ABCB1: variants seen among roughly 807,000 people sequenced by gnomAD.
ABCB1 encodes ATP binding cassette subfamily B member 1.
In ABCB1, 69 loss-of-function variants were observed where a neutral mutation model predicts 142.0. The ratio of observed to expected loss-of-function variants is 0.49; its 90% confidence interval spans 0.40 to 0.59. ABCB1 has a LOEUF of 0.59. ABCB1 is among the 20% of genes least tolerant of loss of function. The pLI is 0.00. For missense variants in ABCB1, 1,326 were observed against 1,554.7 expected (o/e 0.85, Z 2.47); for synonymous variants, 532 against 539.2 (o/e 0.99, Z 0.18).
intron 21 of ABCB1, chr7:87,522,099 T>G (rs1326179377): frequency 7.9e-7 from 1 of 1,269,204 alleles, no homozygotes; most frequent in African/African-American, 1.4e-5. Context: ...TCGGTGGGAA[T>G]GACAACTTTG....
chr7:87,632,867 T>A (rs1161539612), intron 1 of ABCB1, among the ~76,000 whole-genome samples: 8 of 152,176 alleles, frequency 5.3e-5, no homozygotes. Flanking sequence ...AGAATAACAC[T>A]TGTCAAACTT....
At chr7:87,591,969 C>CA (rs1050538756) in intron 3 of ABCB1, among the ~76,000 whole-genome samples, 1 of 151,956 alleles carries the variant, frequency 6.6e-6, no homozygotes, top group African/African-American at 2.4e-5. Flanking sequence ...GAAGCAAATA[C>CA]AAAAAATATA....
chr7:87,645,571 G>A (rs1822919318), intron 1 of ABCB1, among the ~76,000 whole-genome samples: 1 of 151,952 alleles, frequency 6.6e-6, no homozygotes, highest in Admixed American at 6.6e-5. Context: ...GATATTTTTA[G>A]ACATTCATCA....
intron 2 of ABCB1, among the ~76,000 whole-genome samples, chr7:87,596,535 T>C (rs1819215803): frequency 6.6e-6 from 1 of 152,054 alleles, no homozygotes; most frequent in South Asian, 2.1e-4. Flanking sequence ...CTGTAGCCCA[T>C]TTTCTACTCT....
intron 1 of ABCB1, among the ~76,000 whole-genome samples, chr7:87,705,705 C>A (rs1829522437): frequency 1.3e-5 from 2 of 152,168 alleles, no homozygotes; most frequent in Non-Finnish European, 2.9e-5. Context: ...GACTTTATCT[C>A]AGCAGGCACT....
At position 87,638,391 on chromosome 7, in the gene ABCB1, G is replaced by C. The variant is rs1292308679; in HGVS notation, c.-330-37313C>G. On this transcript the variant is annotated intron_variant, in intron 1 of 28. Transcript: ENST00000265724. ...TGTGTGTGTGTGTGTTTCCTCCCCT[G>C]TTCTGTAGAAAAGTTTGTGTAAGAC... 6.7e-5 allele frequency among the ~76,000 whole-genome samples: 10 copies of C among 148,380 alleles called. No individual in the cohort carries two copies. The East Asian group carries it at 1.4e-3, about 20-fold the overall frequency.
intron 25 of ABCB1, among the ~76,000 whole-genome samples, chr7:87,511,778 G>A (rs1414009089): frequency 6.6e-6 from 1 of 152,204 alleles, no homozygotes; most frequent in Non-Finnish European, 1.5e-5. Context: ...CCCTTGAAAG[G>A]GGAATGCCCC....
In ABCB1 at chr7:87,680,752, G is replaced by A. The variant is rs557509421; in HGVS notation, c.-331+32409C>T. Among the ~76,000 whole-genome samples, 19 of 149,758 alleles carry A rather than the reference G, an allele frequency of 1.3e-4. 1 individual carries two copies. In the East Asian group the frequency reaches 2.4e-3, roughly 19 times the overall value. The stretch of plus-strand genomic sequence containing the variant: ...GGAGGGTGCAGTGAGCCAAGATCGC[G>A]CCATTGCACTCCAGCTTGGGCAAGG... On this transcript the variant is annotated intron_variant, in intron 1 of 28. Transcript: ENST00000265724.
intron 1 of ABCB1, among the ~76,000 whole-genome samples, chr7:87,702,193 A>AT (rs914477876): frequency 1.5e-4 from 22 of 146,542 alleles, no homozygotes; most frequent in African/African-American, 5.1e-4. Context: ...TTTCTCACTA[A>AT]TTTTTTTTTA....
chr7:87,575,530 T>G (rs1818238264), intron 4 of ABCB1, among the ~76,000 whole-genome samples: 1 of 152,060 alleles, frequency 6.6e-6, no homozygotes, highest in Non-Finnish European at 1.5e-5. Flanking sequence ...GAACTTCCGT[T>G]TTTTTTTCAT....
chr7:87,573,110 A>G (rs1818120630), intron 4 of ABCB1, among the ~76,000 whole-genome samples: 2 of 152,236 alleles, frequency 1.3e-5, no homozygotes, highest in African/African-American at 4.8e-5. Context: ...ATAGTTCCAC[A>G]TGGCTGGGGA....
Position 87,541,480 on chromosome 7 carries a change from T to G in ABCB1, c.2212-16A>C, listed in dbSNP as rs371142883. 1.3e-6 allele frequency: 2 copies of G among 1,544,164 alleles called. No individual in the cohort carries two copies. Among genetic ancestry groups the G allele is most frequent in the African/African-American group, 2.7e-5 (2 of 73,538 alleles). On this transcript the variant is annotated splice_polypyrimidine_tract_variant and intron_variant, in intron 17 of 27. Transcript: ENST00000622132. ...TTGTAAAAACCTGTGAGAAAACATT[T>G]AAAGGATTTTTAGTTCAATCAGTGA...
intron 8 of ABCB1, among the ~76,000 whole-genome samples, chr7:87,558,874 G>T (rs1427727471): frequency 6.6e-6 from 1 of 151,910 alleles, no homozygotes; most frequent in Non-Finnish European, 1.5e-5. Flanking sequence ...TATATTAATA[G>T]ATTTCCTAAT....
rs201122883 is a variant in ABCB1 at position 87,545,988 on chromosome 7, G to A, written c.1762C>T (p.Arg588Cys). The change falls in exon 15 of 28, where the codon CGT (arginine) becomes TGT (cysteine). Residue 588 changes from arginine to cysteine, a missense_variant. Arg to Cys is a radical substitution (Grantham distance 180, BLOSUM62 -3). Transcript: ENST00000622132. Reference sequence around the variant, plus strand: ...TCAGCATTACGAACTGTAGACAAACGATGAGCTATCACAATGGTGGTCCGA... The same window carrying A: ...TCAGCATTACGAACTGTAGACAAACAATGAGCTATCACAATGGTGGTCCGA... ...KGRTTIVIAH[R>C]LSTVRNADVI... 37 of 1,614,068 alleles carry A rather than the reference G, an allele frequency of 2.3e-5. No homozygotes were observed. The highest frequency in any genetic ancestry group is 1.1e-4 in the South Asian group (10 of 91,066).
chr7:87,633,809 A>G (rs2130218732), intron 1 of ABCB1, among the ~76,000 whole-genome samples: 1 of 152,316 alleles, frequency 6.6e-6, no homozygotes. Context: ...AAATGCAGAT[A>G]TGTGAAATGT....
intron 25 of ABCB1, 49 bp downstream of exon 25, chr7:87,515,182 A>C (rs968894272): frequency 1.2e-6 from 2 of 1,603,700 alleles, no homozygotes; most frequent in African/African-American, 1.3e-5. Flanking sequence ...ACATTCAGAC[A>C]TTTGGATGAT....
chr7:87,518,206 T>C (rs1815335289), intron 23 of ABCB1, among the ~76,000 whole-genome samples: 1 of 152,246 alleles, frequency 6.6e-6, no homozygotes, highest in Admixed American at 6.5e-5. Flanking sequence ...TAACTAGCAC[T>C]AAATAAAATA....
At chr7:87,633,868 C>T (rs922185001) in intron 1 of ABCB1, among the ~76,000 whole-genome samples, 3 of 152,014 alleles carry the variant, frequency 2.0e-5, no homozygotes, top group Non-Finnish European at 4.4e-5. Flanking sequence ...TTTTGTGTTG[C>T]TATAAAGGAA....
chr7:87,587,568 G>C lies in ABCB1; in HGVS notation c.118-1888C>G, dbSNP rs77860552. On this transcript the variant is annotated intron_variant, in intron 3 of 27. Transcript: ENST00000622132. ...ATAAAAGAGGTGATGCTTCCTTCCA[G>C]CTTTGAAAGTTTACCAAGTGTAGCT... 7.2e-3 allele frequency among the ~76,000 whole-genome samples: 1,097 copies of C among 152,154 alleles called. 22 individuals are homozygous for C. The highest frequency in any genetic ancestry group is 0.026 in the African/African-American group (1,072 of 41,520).
Sources: allele counts gnomAD v4.1 joint callset (sites outside exome capture counted in the v4.1 genomes callset), GRCh38; gene constraint gnomAD v4.1.1; transcripts MANE v1.5; gene names NCBI Gene and HGNC (gene_info 2026-07-23, HGNC 2026-07-21).